ANKRD17: variants seen among roughly 807,000 people sequenced by gnomAD.
ANKRD17 encodes ankyrin repeat domain-containing protein 17.
ANKRD17 carries 19 observed loss-of-function variants against 229.7 expected under a neutral mutation model. That is an observed-to-expected ratio of 0.08 (90% CI 0.06 to 0.12). The LOEUF (loss-of-function observed/expected upper bound fraction) is 0.12, where lower values mean the gene tolerates loss of function less well. Ranked by LOEUF, ANKRD17 falls within the 10% of genes least tolerant of loss-of-function variation. The probability of loss-of-function intolerance (pLI) is 1.00; values close to 1 mark genes in which losing one functional copy is unlikely to be tolerated. For synonymous variants in ANKRD17, 1,112 were observed against 1,146.1 expected (o/e 0.97, Z 0.60); for missense variants, 2,176 against 3,176.8 (o/e 0.68, Z 7.57).
chr4:73,085,479 A>C, intron 29 of ANKRD17, 33 bp from the exon 30 acceptor site: 1 of 1,553,572 alleles, frequency 6.4e-7, no homozygotes, highest in Non-Finnish European at 8.9e-7. Flanking sequence ...AATTTATAAT[A>C]GTTACTCCTG....
intron 18 of ANKRD17, among the ~76,000 whole-genome samples, chr4:73,122,793 A>G (rs1179183817): frequency 6.6e-6 from 1 of 152,142 alleles, no homozygotes; most frequent in Non-Finnish European, 1.5e-5. Context: ...GGTTATAAAA[A>G]CAAGAAAAAA....
intron 1 of ANKRD17, among the ~76,000 whole-genome samples, chr4:73,251,677 C>T (rs1745042875): frequency 6.6e-6 from 1 of 152,066 alleles, no homozygotes; most frequent in African/African-American, 2.4e-5. Flanking sequence ...AATTCCCTTT[C>T]ATCTGTGGTC....
chr4:73,141,598 C>T, intron 14 of ANKRD17, 143 bp downstream of exon 14: 1 of 700,076 alleles, frequency 1.4e-6, no homozygotes, highest in Non-Finnish European at 2.4e-6. Flanking sequence ...TTTTTTTCTC[C>T]CAATAACATG....
At chr4:73,169,652 T>A (rs1226745161) in intron 2 of ANKRD17, among the ~76,000 whole-genome samples, 1 of 152,172 alleles carries the variant, frequency 6.6e-6, no homozygotes, top group Non-Finnish European at 1.5e-5. Context: ...GACTTCGCAT[T>A]GCTGAAATAG....
chr4:73,157,126 T>C (rs1399497351), intron 3 of ANKRD17, among the ~76,000 whole-genome samples: 2 of 152,188 alleles, frequency 1.3e-5, no homozygotes, highest in Non-Finnish European at 2.9e-5. Context: ...ATAATTATAC[T>C]TCTTTTGTTC....
intron 1 of ANKRD17, among the ~76,000 whole-genome samples, chr4:73,254,450 C>A (rs17880982): frequency 0.13 from 19,113 of 152,128 alleles, 1,619 homozygotes; most frequent in East Asian, 0.27. Context: ...AATGTTTCTC[C>A]CCCTTTGAAT....
At chr4:73,193,797 G>A (rs1032213284) in intron 1 of ANKRD17, among the ~76,000 whole-genome samples, 1 of 152,092 alleles carries the variant, frequency 6.6e-6, no homozygotes, top group Non-Finnish European at 1.5e-5. Context: ...AGCCAGGCGT[G>A]GTGGTGCACA....
intron 1 of ANKRD17, among the ~76,000 whole-genome samples, chr4:73,212,469 T>G (rs1310069944): frequency 6.6e-6 from 1 of 152,196 alleles, no homozygotes; most frequent in Admixed American, 6.5e-5. Flanking sequence ...TAGGGCTTAA[T>G]CTTAACATTC....
At chr4:73,216,250 AT>A (rs543456674) in intron 1 of ANKRD17, among the ~76,000 whole-genome samples, 1 of 152,216 alleles carries the variant, frequency 6.6e-6, no homozygotes, top group South Asian at 2.1e-4. Flanking sequence ...ATGGTTTATC[AT>A]TTTTTTAAAT....
intron 18 of ANKRD17, among the ~76,000 whole-genome samples, chr4:73,123,139 T>C (rs948049005): frequency 4.6e-5 from 7 of 152,122 alleles, no homozygotes; most frequent in East Asian, 3.8e-4. Flanking sequence ...CAGTGCCCTA[T>C]TGGCTTTAAT....
At chr4:73,109,169 C>G (rs1724998189) in intron 24 of ANKRD17, among the ~76,000 whole-genome samples, 1 of 151,920 alleles carries the variant, frequency 6.6e-6, no homozygotes, top group South Asian at 2.1e-4. Context: ...GCATGGTGGC[C>G]CATACCTGTA....
At position 73,092,031 on chromosome 4, in the gene ANKRD17, A is replaced by T; in HGVS notation, c.5597T>A (p.Ile1866Asn). 1 of 1,614,178 alleles carries T rather than the reference A, an allele frequency of 6.2e-7. No homozygotes were observed. Among genetic ancestry groups the T allele is most frequent in the South Asian group, 1.1e-5 (1 of 91,082 alleles). Residue 1866 changes from isoleucine (I) to asparagine (N), a missense_variant, in exon 29 of 34, where the codon ATT becomes AAT. Ile to Asn is a moderately radical substitution (Grantham distance 149, BLOSUM62 -3). Transcript: ENST00000358602. ...CCTCACATTATTCACTGGGTTCTTA[A>T]TGGTTTTGTGAGTGGATGCAGAAGA... is the stretch of plus-strand genomic sequence containing the variant. ...AISSASTHKT[I>N]KNPVNNVRPG...
chr4:73,194,418 C>G (rs1737560889), intron 1 of ANKRD17, among the ~76,000 whole-genome samples: 1 of 152,156 alleles, frequency 6.6e-6, no homozygotes, highest in Non-Finnish European at 1.5e-5. Flanking sequence ...CTAGACTATT[C>G]TGATCCATTA....
chr4:73,226,052 A>G (rs1237243240), intron 1 of ANKRD17, among the ~76,000 whole-genome samples: 10 of 131,914 alleles, frequency 7.6e-5, no homozygotes, highest in Admixed American at 5.2e-4. Context: ...CTCGGCTCAC[A>G]GCAACCTCCG....
intron 25 of ANKRD17, 107 bp from the exon 26 acceptor site, chr4:73,098,627 A>G (rs1338537901): frequency 3.2e-5 from 33 of 1,044,266 alleles, no homozygotes; most frequent in Non-Finnish European, 4.6e-5. Flanking sequence ...CTCTACTACT[A>G]TTAGCCATGT....
At chr4:73,204,548 T>C (rs989618960) in intron 1 of ANKRD17, among the ~76,000 whole-genome samples, 3 of 151,852 alleles carry the variant, frequency 2.0e-5, no homozygotes, top group Non-Finnish European at 4.4e-5. Flanking sequence ...ATTCTTCAAG[T>C]GGATAGAAAA....
chr4:73,223,098 TCAG>T, intron 1 of ANKRD17: 1 of 1,488,836 alleles, frequency 6.7e-7, no homozygotes, highest in South Asian at 1.2e-5. Flanking sequence ...CTCCTCTGTG[TCAG>T]CAAGGGAACA....
In ANKRD17 at chr4:73,124,045, C is replaced by T. The variant is rs1453451850; in HGVS notation, c.3492+868G>A. 3.3e-5 allele frequency among the ~76,000 whole-genome samples: 5 copies of T among 151,650 alleles called. 1 individual carries two copies. Among genetic ancestry groups the T allele is most frequent in the Admixed American group, 2.0e-4 (3 of 15,238 alleles). ...AATCTGAAGATAGAAAAGGTTAAAC[C>T]TCTTTCTATTTGTTTAAAGAACAAA... On this transcript the variant is annotated intron_variant, in intron 18 of 33. Coordinates refer to ENST00000358602, the MANE Select transcript of ANKRD17 (RefSeq NM_032217.5).
chr4:73,121,461 ACTTAAATAAAGTTCATC>A, intron 19 of ANKRD17, 139 bp downstream of exon 19: 1 of 818,498 alleles, frequency 1.2e-6, no homozygotes, highest in Non-Finnish European at 2.0e-6. Flanking sequence ...AGTTTTAATT[ACTTAAATAAAGTTCATC>A]TCAAAAATCT....
Sources: gnomAD v4.1 joint callset for allele counts (sites outside exome capture counted in the v4.1 genomes callset) on GRCh38, gnomAD v4.1.1 for gene constraint, MANE v1.5 for transcripts, NCBI Gene and HGNC (gene_info 2026-07-23, HGNC 2026-07-21) for gene names.